Variants in MAP2K6 observed in about 807,000 individuals in gnomAD.
The protein encoded by MAP2K6 is dual specificity mitogen-activated protein kinase kinase 6.
A neutral mutation model predicts 53.7 loss-of-function variants in MAP2K6; 16 were observed. The ratio of observed to expected loss-of-function variants is 0.30; its 90% CI spans 0.20 to 0.45. MAP2K6 has a LOEUF of 0.45. Ranked by LOEUF, MAP2K6 falls within the 20% of genes least tolerant of loss-of-function variation. MAP2K6 has a pLI of 1.00. For missense variants in MAP2K6, 204 were observed against 411.9 expected, an observed-to-expected ratio of 0.50 and a Z score of 4.37; for synonymous variants, 132 against 143.1, an observed-to-expected ratio of 0.92 and a Z score of 0.55.
chr17:69,419,802 C>T (rs937305005), intron 1 of MAP2K6, among the ~76,000 whole-genome samples: 1 of 151,662 alleles, frequency 6.6e-6, no homozygotes, highest in Non-Finnish European at 1.5e-5. Context: ...TGGTGCACAC[C>T]TGTAATCCCA....
chr17:69,483,063 G>A (rs1349301065), intron 1 of MAP2K6, among the ~76,000 whole-genome samples: 1 of 151,906 alleles, frequency 6.6e-6, no homozygotes, highest in Non-Finnish European at 1.5e-5. Context: ...ACATAAGGAT[G>A]TCTTTTCTTG....
chr17:69,517,475 G>A, intron 3 of MAP2K6, 25 bp from the exon 4 acceptor site: 1 of 1,341,822 alleles, frequency 7.5e-7, no homozygotes. Flanking sequence ...CTTTCCCATT[G>A]CATTATTCCT....
rs1017455178 is a variant in MAP2K6 at position 69,466,046 on chromosome 17, G to A, written c.17-39734G>A. Among the ~76,000 whole-genome samples, 3 of 150,926 alleles carry A rather than the reference G, an allele frequency of 2.0e-5. No individual in the cohort carries two copies. The South Asian group carries it at 6.3e-4, about 32-fold the overall frequency. On this transcript the variant is annotated intron_variant, in intron 1 of 11. Coordinates refer to ENST00000590474, the MANE Select transcript of MAP2K6 (RefSeq NM_002758.4). The stretch of plus-strand genomic sequence containing the variant: ...CCAGGACTTTGGGAGGCCAAGGTGG[G>A]TGGATCACCTGAGGCCAATAGTTCA...
chr17:69,466,085 C>G (rs1400263710), intron 1 of MAP2K6, among the ~76,000 whole-genome samples: 1 of 145,030 alleles, frequency 6.9e-6, no homozygotes, highest in Non-Finnish European at 1.5e-5. Flanking sequence ...CCAGCCTAGC[C>G]AACATGATGA....
At chr17:69,518,536 T>C (rs893637510) in intron 4 of MAP2K6, among the ~76,000 whole-genome samples, 14 of 152,230 alleles carry the variant, frequency 9.2e-5, no homozygotes, top group Non-Finnish European at 1.5e-5. Flanking sequence ...CATTTCATAT[T>C]ATTGAGTAGG....
intron 1 of MAP2K6, among the ~76,000 whole-genome samples, chr17:69,426,274 T>C (rs1320354726): frequency 2.0e-5 from 3 of 152,256 alleles, no homozygotes; most frequent in Admixed American, 2.0e-4. Flanking sequence ...TGATTAGCCA[T>C]GTGGCCTTGG....
intron 4 of MAP2K6, among the ~76,000 whole-genome samples, chr17:69,518,678 A>G (rs1910301063): frequency 6.6e-6 from 1 of 152,186 alleles, no homozygotes. Context: ...TAGATTTTTC[A>G]GTCTGTTCTT....
rs993481812 is a variant in MAP2K6, at chr17:69,551,612, G to T, written c.*9859G>T. The T allele has an allele frequency of 3.9e-5, 6 of 152,178 alleles. No homozygotes were observed. The highest frequency in any genetic ancestry group is 1.4e-4 in the African/African-American group (6 of 41,442). The allele number at this position is 152,178 out of a possible 1,614,324, so 9.4% of individuals were successfully genotyped here. ...ATCTGCATAAAAGCCACTTGAGGAGGTTTGATTAAGAAAATTGTGTTTATC... is the reference window on the plus strand; with the variant it reads ...ATCTGCATAAAAGCCACTTGAGGAGTTTTGATTAAGAAAATTGTGTTTATC... On this transcript the variant is annotated 3_prime_UTR_variant, in exon 12 of 12. Transcript: ENST00000590474.
intron 1 of MAP2K6, among the ~76,000 whole-genome samples, chr17:69,471,751 A>G (rs963465786): frequency 1.6e-4 from 25 of 152,342 alleles, no homozygotes; most frequent in African/African-American, 5.5e-4. Context: ...ATGTTAAAAA[A>G]CACAACAAAG....
In MAP2K6 at chr17:69,541,824, G is replaced by A. The variant is rs1911652914; in HGVS notation, c.*71G>A. ...TTCGGGGTGAAGCAAGTTCACTACA[G>A]CATCAATAGAAAGTCATCTTTGAGA... On this transcript the variant is annotated 3_prime_UTR_variant, in exon 12 of 12. Transcript: ENST00000590474. 9.1e-7 allele frequency: 1 copy of A among 1,098,794 alleles called. No individual in the cohort carries two copies. Among genetic ancestry groups the A allele is most frequent in the East Asian group, 2.4e-5 (1 of 41,052 alleles). The allele number at this position is 1,098,794 out of a possible 1,614,324, so 68.1% of individuals were successfully genotyped here. A position where few individuals can be genotyped will look rare whatever the true frequency, so the allele number is the denominator to read the frequency against.
chr17:69,463,257 C>A lies in MAP2K6; in HGVS notation c.17-42523C>A, dbSNP rs192082525. Among the ~76,000 whole-genome samples the A allele has an allele frequency of 2.7e-5, 4 of 150,642 alleles. No homozygotes were observed. In the East Asian group the frequency reaches 7.8e-4, roughly 29 times the overall value. ...AGCATTTTTTTACATTTTGCTTTCA[C>A]GTACATATATGTATGTGTGTATATA... On this transcript the variant is annotated intron_variant, in intron 1 of 11. Transcript: ENST00000590474.
chr17:69,503,217 A>G (rs1567842947), intron 1 of MAP2K6, among the ~76,000 whole-genome samples: 1 of 152,206 alleles, frequency 6.6e-6, no homozygotes, highest in Non-Finnish European at 1.5e-5. Context: ...AGTTATCTAA[A>G]CAAGTTGAAT....
chr17:69,450,901 G>T (rs1024906545), intron 1 of MAP2K6, among the ~76,000 whole-genome samples: 2 of 152,144 alleles, frequency 1.3e-5, no homozygotes, highest in African/African-American at 2.4e-5. Flanking sequence ...ACACAAAAAG[G>T]AGGGTTCTGC....
chr17:69,466,778 A>G (rs1475570675), intron 1 of MAP2K6, among the ~76,000 whole-genome samples: 1 of 152,244 alleles, frequency 6.6e-6, no homozygotes, highest in Non-Finnish European at 1.5e-5. Flanking sequence ...TTTTCCTCAT[A>G]AAATGACTTC....
chr17:69,485,431 T>C, intron 1 of MAP2K6: 2 of 975,176 alleles, frequency 2.1e-6, no homozygotes, highest in Non-Finnish European at 2.4e-6. Flanking sequence ...TTTTCTCTTA[T>C]CTCTATGGAA....
rs35559627 is a variant in MAP2K6, at chr17:69,506,408, G to GT, written c.83+576dup. Among the ~76,000 whole-genome samples the GT allele has an allele frequency of 1.0e-3, 149 of 142,276 alleles. 2 individuals carry two copies. Among genetic ancestry groups the GT allele is most frequent in the South Asian group, 6.5e-3 (29 of 4,466 alleles). 93.3% of individuals were successfully genotyped at this position (142,276 alleles called of 152,430 possible). A position where few individuals can be genotyped will look rare whatever the true frequency, so the allele number is the denominator to read the frequency against. ...CTCTCTGTGAGGATGTCTCCTTCTT[G>GT]TTTTTTTTTTTTTTATTTTTATTTT... On this transcript the variant is annotated intron_variant, in intron 2 of 11. Coordinates refer to ENST00000590474, the MANE Select transcript of MAP2K6 (RefSeq NM_002758.4).
In MAP2K6 at chr17:69,432,907, T is replaced by G. The variant is rs1014302878; in HGVS notation, c.16+17907T>G. ...GGGAAGAGACTCAGACCATATACAC[T>G]ATGATTTGTTCTGTTGCTGATTACT... On this transcript the variant is annotated intron_variant, in intron 1 of 11. Coordinates refer to ENST00000590474, the MANE Select transcript of MAP2K6 (RefSeq NM_002758.4). Among the ~76,000 whole-genome samples, 2 of 151,818 alleles carry G rather than the reference T, an allele frequency of 1.3e-5. 1 individual carries two copies. The highest frequency in any genetic ancestry group is 3.9e-4 in the East Asian group (2 of 5,184).
rs1911690415 is a variant in MAP2K6, at chr17:69,542,554, A to T, written c.*801A>T. 1 of 152,156 alleles carries T rather than the reference A, an allele frequency of 6.6e-6. No individual in the cohort carries two copies. 9.4% of individuals were successfully genotyped at this position (152,156 alleles called of 1,614,324 possible). ...TGTGGTATAGTATTAGTGGAAAGTG[A>T]TTTGTAATATGATTTTATATCCACC... On this transcript the variant is annotated 3_prime_UTR_variant, in exon 12 of 12. Transcript: ENST00000590474.
chr17:69,444,490 C>T (rs1906911547), intron 1 of MAP2K6, among the ~76,000 whole-genome samples: 1 of 152,140 alleles, frequency 6.6e-6, no homozygotes, highest in Non-Finnish European at 1.5e-5. Context: ...TGGAGTGAAG[C>T]CCCGAAACAT....
Sources: gnomAD v4.1 joint callset for allele counts (sites outside exome capture counted in the v4.1 genomes callset) on GRCh38, gnomAD v4.1.1 for gene constraint, MANE v1.5 for transcripts, NCBI Gene and HGNC (gene_info 2026-07-23, HGNC 2026-07-21) for gene names.